Variants in ANKRD2 observed in about 807,000 individuals in gnomAD.
The protein encoded by ANKRD2 is ankyrin repeat domain 2.
In ANKRD2, 35 loss-of-function variants were observed where a neutral mutation model predicts 37.3. The observed-to-expected ratio is 0.94, with a 90% CI of 0.72 to 1.24. ANKRD2 has a LOEUF of 1.24. Among genes scored for constraint, ANKRD2 ranks in the 50% most tolerant of loss-of-function variants. The pLI is 0.00. For missense variants in ANKRD2, 410 were observed against 445.6 expected (o/e 0.92, Z 0.72); for synonymous variants, 159 against 186.5 (o/e 0.85, Z 1.20).
In ANKRD2 at chr10:97,583,562, C is replaced by T. The variant is rs1446715869; in HGVS notation, c.853-14C>T. ...TCTCTTGCCAACCCCCACGCCCCGTCCCGCCCCCTCCAGGCAGGAAAGACC... is the reference window on the plus strand; with the variant it reads ...TCTCTTGCCAACCCCCACGCCCCGTTCCGCCCCCTCCAGGCAGGAAAGACC... On this transcript the variant is annotated splice_polypyrimidine_tract_variant and intron_variant, in intron 8 of 8. Coordinates refer to ENST00000370655, the MANE Select transcript of ANKRD2 (RefSeq NM_001346793.2). 1.3e-6 allele frequency: 2 copies of T among 1,589,704 alleles called. No individual in the cohort carries two copies. The highest frequency in any genetic ancestry group is 2.7e-5 in the African/African-American group (2 of 74,324).
At chr10:97,572,519 G>T (rs2040769839), upstream of ANKRD2, 1 of 699,802 alleles carries the variant, frequency 1.4e-6, no homozygotes, top group Non-Finnish European at 2.3e-6. Context: ...AAGTGCTCAG[G>T]ACAGAGGCTG....
chr10:97,579,173 A>ATT (rs200455140), intron 4 of ANKRD2, among the ~76,000 whole-genome samples: 4 of 144,702 alleles, frequency 2.8e-5, no homozygotes, highest in African/African-American at 5.0e-5. Context: ...AAAGATATAG[A>ATT]TTTTTTTTTT....
chr10:97,581,438 A>G, intron 6 of ANKRD2, 24 bp downstream of exon 6: 1 of 1,611,604 alleles, frequency 6.2e-7, no homozygotes, highest in South Asian at 1.1e-5. Context: ...ACTCAGAAGC[A>G]ACAGATATTG....
chr10:97,575,586 A>C (rs369282976), intron 1 of ANKRD2, among the ~76,000 whole-genome samples: 3 of 152,206 alleles, frequency 2.0e-5, no homozygotes, highest in East Asian at 1.9e-4. Context: ...CCTGGACAAC[A>C]TGGAAACCTC....
At position 97,578,573 on chromosome 10, in the gene ANKRD2, G is replaced by A. The variant is rs1245385290; in HGVS notation, c.424G>A (p.Ala142Thr). The change falls in exon 4 of 9, where the codon GCT becomes ACT. Residue 142 changes from alanine (A) to threonine (T), a missense_variant. Transcript: ENST00000370655. Reference sequence around the variant, plus strand: ...AATGAAGGTCATTGAGAAGTTCCTGGCTGACGGGGGGTCAGCCGACACGTG... The same window carrying A: ...AATGAAGGTCATTGAGAAGTTCCTGACTGACGGGGGGTCAGCCGACACGTG... ...GKMKVIEKFL[A>T]DGGSADTCDQ... The A allele has an allele frequency of 5.1e-6, 8 of 1,563,404 alleles. No homozygotes were observed. Among genetic ancestry groups the A allele is most frequent in the Non-Finnish European group, 6.9e-6 (8 of 1,153,602 alleles).
intron 2 of ANKRD2, 96 bp from the exon 3 acceptor site, chr10:97,578,144 G>GGGCCCCCCCCCCCCCCCCCCCA: frequency 7.3e-6 from 5 of 685,436 alleles, no homozygotes; most frequent in East Asian, 2.7e-5. Flanking sequence ...GGGTCTTCCT[G>GGGCCCCCCCCCCCCCCCCCCCA]CCCACCCCAC....
intron 1 of ANKRD2, among the ~76,000 whole-genome samples, chr10:97,575,996 GC>G (rs1213047357): frequency 1.3e-5 from 2 of 152,060 alleles, no homozygotes; most frequent in Non-Finnish European, 2.9e-5. Context: ...AGTAGCTGCA[GC>G]CCCAGGTTAT....
rs371029702 is a variant in ANKRD2, at chr10:97,582,628, G to A, written c.778G>A (p.Ala260Thr). 31 of 1,613,996 alleles carry A rather than the reference G, an allele frequency of 1.9e-5. No homozygotes were observed. The highest frequency in any genetic ancestry group is 1.5e-4 in the African/African-American group (11 of 74,912). Residue 260 changes from alanine (A) to threonine (T), a missense_variant, in exon 8 of 9, where the codon GCT (alanine) becomes ACT (threonine). Transcript: ENST00000370655. Reference sequence around the variant, plus strand: ...GGAAGGGGATACTGCCCTGCATGACGCTGTGAGGCTCAACCGCTACAAAAT... The same window carrying A: ...GGAAGGGGATACTGCCCTGCATGACACTGTGAGGCTCAACCGCTACAAAAT... ...DREGDTALHD[A>T]VRLNRYKIIK...
chr10:97,575,076 T>TG (rs2040809008), intron 1 of ANKRD2, among the ~76,000 whole-genome samples: 1 of 152,258 alleles, frequency 6.6e-6, no homozygotes, highest in Non-Finnish European at 1.5e-5. Context: ...GAGCTTTGTG[T>TG]GTTTCATGAA....
rs1451671694 is a variant in ANKRD2, at chr10:97,578,287, C to T, written c.237C>T (p.Ile79=). 2 of 1,612,906 alleles carry T rather than the reference C, an allele frequency of 1.2e-6. No homozygotes were observed. The highest frequency in any genetic ancestry group is 1.7e-6 in the Non-Finnish European group (2 of 1,179,892). The change falls in exon 3 of 9, where the codon ATC becomes ATT. Residue 79 remains isoleucine, a synonymous_variant. Transcript: ENST00000370655. ...CGTCCCTGGACCTGCGGCGGGAGAT[C>T]ATCGATGTGGGCGGGATCCAGAACC... ...RKTSLDLRRE[I]IDVGGIQNLI...
At chr10:97,572,719 G>T (rs757534824), upstream of ANKRD2, 2 of 1,604,488 alleles carry the variant, frequency 1.2e-6, no homozygotes, top group Non-Finnish European at 8.5e-7. Flanking sequence ...TGGCAAAGGC[G>T]CCCAGCTGGG....
At chr10:97,580,824 G>A in intron 4 of ANKRD2, 31 bp from the exon 5 acceptor site, 1 of 1,564,104 alleles carries the variant, frequency 6.4e-7, no homozygotes, top group Non-Finnish European at 8.7e-7. Context: ...TGGAGCCAGA[G>A]GCCAGGCCCT....
chr10:97,574,650 A>C lies in ANKRD2; in HGVS notation c.87+1775A>C, dbSNP rs537328552. On this transcript the variant is annotated intron_variant, in intron 1 of 8. Coordinates refer to ENST00000370655, the MANE Select transcript of ANKRD2 (RefSeq NM_001346793.2). ...AGCAGGAATGGAGGGGAGGAGATAA[A>C]TCAGGTTGGAGGTAGATGCCATTCA... Among the ~76,000 whole-genome samples the C allele has an allele frequency of 7.2e-5, 11 of 152,230 alleles. No individual in the cohort carries two copies. In the East Asian group the frequency reaches 2.1e-3, roughly 29 times the overall value.
intron 2 of ANKRD2, 96 bp from the exon 3 acceptor site, chr10:97,578,144 G>GGGGCCCC: frequency 2.9e-6 from 2 of 685,444 alleles, no homozygotes; most frequent in Non-Finnish European, 5.0e-6. Flanking sequence ...GGGTCTTCCT[G>GGGGCCCC]CCCACCCCAC....
intron 1 of ANKRD2, among the ~76,000 whole-genome samples, chr10:97,574,033 A>G (rs1331955750): frequency 6.6e-6 from 1 of 151,720 alleles, no homozygotes; most frequent in Non-Finnish European, 1.5e-5. Context: ...TAATCCCAGC[A>G]TTTTGAGATC....
rs868096362 is a variant in ANKRD2, at chr10:97,580,757, G to C, written c.457-98G>C. 52 of 858,972 alleles carry C rather than the reference G, an allele frequency of 6.1e-5. 1 individual carries two copies. In the South Asian group the frequency reaches 7.9e-4, roughly 13 times the overall value. 53.2% of individuals were successfully genotyped at this position (858,972 alleles called of 1,614,324 possible). A position where few individuals can be genotyped will look rare whatever the true frequency, so the allele number is the denominator to read the frequency against. On this transcript the variant is annotated intron_variant, in intron 4 of 8. Coordinates refer to ENST00000370655, the MANE Select transcript of ANKRD2 (RefSeq NM_001346793.2). The stretch of plus-strand genomic sequence containing the variant: ...ACATGGGGGCCAAGCACAGGGGTGA[G>C]AATCAAGCTGGGGGGAAGGCCTGGG...
At chr10:97,580,577 G>T (rs1451737187) in intron 4 of ANKRD2, among the ~76,000 whole-genome samples, 1 of 152,218 alleles carries the variant, frequency 6.6e-6, no homozygotes, top group African/African-American at 2.4e-5. Flanking sequence ...CTCCCAGGAA[G>T]TGAGGGCAAA....
At chr10:97,581,521 C>T in intron 6 of ANKRD2, 107 bp downstream of exon 6, 2 of 1,130,378 alleles carry the variant, frequency 1.8e-6, no homozygotes, top group Non-Finnish European at 2.6e-6. Flanking sequence ...GTGAGCTAGT[C>T]TGGTTTCTGG....
rs755999979 is a variant in ANKRD2 at position 97,581,462 on chromosome 10, G to A, written c.654+48G>A. Reference sequence around the variant, plus strand: ...CAACAGATATTGGGGTGGCTGTGGGGAGAAAGGCAGGGGTCCAAGGGCAGG... The same window carrying A: ...CAACAGATATTGGGGTGGCTGTGGGAAGAAAGGCAGGGGTCCAAGGGCAGG... On this transcript the variant is annotated intron_variant, in intron 6 of 8. Transcript: ENST00000370655. 16 of 1,590,470 alleles carry A rather than the reference G, an allele frequency of 1.0e-5. No individual in the cohort carries two copies. In the East Asian group the frequency reaches 2.5e-4, roughly 24 times the overall value.
Sources: gnomAD v4.1 joint callset for allele counts (sites outside exome capture counted in the v4.1 genomes callset) on GRCh38, gnomAD v4.1.1 for gene constraint, MANE v1.5 for transcripts, NCBI Gene and HGNC (gene_info 2026-07-23, HGNC 2026-07-21) for gene names.